The following FCHSD2 variants were observed in gnomAD, a reference collection of about 807,000 sequenced individuals.
FCHSD2 encodes the protein F-BAR and double SH3 domains protein 2.
In FCHSD2, 38 loss-of-function variants were observed where a neutral mutation model predicts 108.1. That is an observed-to-expected ratio of 0.35 (90% confidence interval 0.27 to 0.46). The LOEUF is 0.46. Among genes scored for constraint, FCHSD2 ranks in the 20% least tolerant of loss-of-function variants. The probability of loss-of-function intolerance (pLI) is 1.00; values close to 1 mark genes in which losing one functional copy is unlikely to be tolerated. For missense variants in FCHSD2, 751 were observed against 897.8 expected (o/e 0.84, Z 2.09); for synonymous variants, 279 against 314.7 (o/e 0.89, Z 1.20).
chr11:73,081,190 C>T (rs1016145897), intron 3 of FCHSD2, among the ~76,000 whole-genome samples: 3 of 152,132 alleles, frequency 2.0e-5, no homozygotes, highest in Non-Finnish European at 4.4e-5. Flanking sequence ...AATCCCAACA[C>T]TTTGGGAGGC....
intron 5 of FCHSD2, among the ~76,000 whole-genome samples, chr11:72,991,008 A>C (rs137979422): frequency 0.071 from 10,780 of 152,282 alleles, 519 homozygotes; most frequent in South Asian, 0.16. Flanking sequence ...AAACAGACGC[A>C]ATAAAAAATG....
At chr11:72,884,766 T>C (rs895994775) in intron 12 of FCHSD2, among the ~76,000 whole-genome samples, 10 of 151,928 alleles carry the variant, frequency 6.6e-5, no homozygotes, top group African/African-American at 2.4e-4. Context: ...GCTAATTTAT[T>C]TTCATTTGTA....
At chr11:72,971,065 C>A (rs535571105) in intron 8 of FCHSD2, among the ~76,000 whole-genome samples, 1 of 152,092 alleles carries the variant, frequency 6.6e-6, no homozygotes, top group Non-Finnish European at 1.5e-5. Context: ...CCCTACTGAC[C>A]CCCCTGCCCA....
chr11:73,104,729 C>T (rs939160929), intron 2 of FCHSD2, among the ~76,000 whole-genome samples: 2 of 151,496 alleles, frequency 1.3e-5, no homozygotes, highest in Non-Finnish European at 2.9e-5. Flanking sequence ...CCACCGCACC[C>T]GGCTAATTTT....
At chr11:73,134,834 A>T (rs779859010) in intron 2 of FCHSD2, among the ~76,000 whole-genome samples, 2 of 151,168 alleles carry the variant, frequency 1.3e-5, no homozygotes, top group African/African-American at 4.9e-5. Flanking sequence ...TCTGGGGGGG[A>T]GTTTGTTTTT....
Position 72,838,881 on chromosome 11 carries a change from AG to A in FCHSD2, c.2140-8del. ...GAGGGGGAGCTGCCCGGACCTGAGC[AG>A]GAAACAATTACGTAGTTTGTCAGTC... is the stretch of plus-strand genomic sequence containing the variant. On this transcript the variant is annotated splice_polypyrimidine_tract_variant and splice_region_variant and intron_variant, in intron 19 of 19. Transcript: ENST00000409418. The A allele has an allele frequency of 1.2e-6, 2 of 1,604,042 alleles. No individual in the cohort carries two copies. Among genetic ancestry groups the A allele is most frequent in the Non-Finnish European group, 8.5e-7 (1 of 1,176,004 alleles).
chr11:73,117,869 C>T (rs989192258), intron 2 of FCHSD2, among the ~76,000 whole-genome samples: 11 of 152,176 alleles, frequency 7.2e-5, no homozygotes, highest in Admixed American at 3.3e-4. Context: ...ATACTCTTCC[C>T]TCTAAATATT....
chr11:72,892,542 C>A (rs903136740), intron 10 of FCHSD2, among the ~76,000 whole-genome samples: 1 of 152,176 alleles, frequency 6.6e-6, no homozygotes, highest in African/African-American at 2.4e-5. Flanking sequence ...ACCACCTTCA[C>A]TATCAAAGAT....
intron 2 of FCHSD2, among the ~76,000 whole-genome samples, chr11:73,121,212 C>T (rs912051667): frequency 8.6e-5 from 13 of 151,984 alleles, no homozygotes; most frequent in African/African-American, 3.1e-4. Flanking sequence ...CACACACACA[C>T]CTCCCAAGAA....
intron 9 of FCHSD2, among the ~76,000 whole-genome samples, chr11:72,919,480 G>C (rs1257645243): frequency 6.6e-6 from 1 of 152,094 alleles, no homozygotes; most frequent in African/African-American, 2.4e-5. Context: ...GAAGATCATG[G>C]AAAGCACTAT....
At chr11:73,141,563 T>C (rs998632402) in intron 1 of FCHSD2, among the ~76,000 whole-genome samples, 3 of 152,184 alleles carry the variant, frequency 2.0e-5, no homozygotes, top group African/African-American at 2.4e-5. Flanking sequence ...GAATGCACTT[T>C]GCAGCGGGCA....
rs1009245942 is a variant in FCHSD2, at chr11:73,107,947, G to A, written c.120-24207C>T. On this transcript the variant is annotated intron_variant, in intron 2 of 19. Transcript: ENST00000409418. Reference sequence around the variant, plus strand: ...ATATATACCCAGCACTGTGATTGATGGATTGTATGGCAAGTGTATCTTTAG... The same window carrying A: ...ATATATACCCAGCACTGTGATTGATAGATTGTATGGCAAGTGTATCTTTAG... Among the ~76,000 whole-genome samples the A allele has an allele frequency of 6.6e-5, 10 of 152,272 alleles. 2 individuals are homozygous for A. Among genetic ancestry groups the A allele is most frequent in the Non-Finnish European group, 2.9e-5 (2 of 68,026 alleles).
chr11:72,980,687 ATATATATATAATGTATG>A (rs893976749), intron 8 of FCHSD2, among the ~76,000 whole-genome samples: 4 of 148,864 alleles, frequency 2.7e-5, no homozygotes, highest in African/African-American at 9.9e-5. Context: ...ATATATATAT[ATATATATATAATGTATG>A]TATGTATATA....
chr11:72,866,086 T>A (rs187348808), intron 13 of FCHSD2, among the ~76,000 whole-genome samples: 88 of 152,150 alleles, frequency 5.8e-4, no homozygotes, highest in African/African-American at 2.0e-3. Context: ...TGAAGGAAAA[T>A]CATGGGTTTG....
rs1856740615 is a variant in FCHSD2, at chr11:72,957,631, TG to T, written c.705+26456del. Among the ~76,000 whole-genome samples the T allele has an allele frequency of 2.0e-5, 3 of 151,606 alleles. No homozygotes were observed. The Admixed American group carries it at 2.0e-4, about 10-fold the overall frequency. The stretch of plus-strand genomic sequence containing the variant: ...TGGAACATCTCGTAAAAATGTGTAT[TG>T]GGTCTGTGGTTTGGATGGTAGTATC... On this transcript the variant is annotated intron_variant, in intron 8 of 19. Coordinates refer to ENST00000409418, the MANE Select transcript of FCHSD2 (RefSeq NM_014824.3).
At chr11:72,870,161 C>T (rs1003557976) in intron 12 of FCHSD2, among the ~76,000 whole-genome samples, 1 of 152,132 alleles carries the variant, frequency 6.6e-6, no homozygotes, top group Non-Finnish European at 1.5e-5. Context: ...TCAAATATTA[C>T]CCTTTCCACA....
chr11:73,006,472 A>G (rs1269113197), intron 4 of FCHSD2, among the ~76,000 whole-genome samples: 2 of 152,122 alleles, frequency 1.3e-5, no homozygotes, highest in Non-Finnish European at 1.5e-5. Flanking sequence ...CCATCAAGAA[A>G]TCCTGTTTGC....
chr11:73,095,108 T>G (rs1860045013), intron 2 of FCHSD2, among the ~76,000 whole-genome samples: 2 of 152,182 alleles, frequency 1.3e-5, no homozygotes, highest in South Asian at 4.1e-4. Flanking sequence ...ACAAATGCTA[T>G]AGTCATAGAA....
At chr11:72,926,869 T>A (rs995200602) in intron 8 of FCHSD2, among the ~76,000 whole-genome samples, 1 of 152,158 alleles carries the variant, frequency 6.6e-6, no homozygotes, top group Non-Finnish European at 1.5e-5. Context: ...TTCACTTAAG[T>A]TGGAAGAATG....
Sources: allele counts gnomAD v4.1 joint callset (sites outside exome capture counted in the v4.1 genomes callset), GRCh38; gene constraint gnomAD v4.1.1; transcripts MANE v1.5; gene names NCBI Gene and HGNC (gene_info 2026-07-23, HGNC 2026-07-21).